Variants in SOX5 observed in about 807,000 individuals in gnomAD.
SOX5 encodes SRY-box transcription factor 5.
In SOX5, 9 loss-of-function variants were observed where a neutral mutation model predicts 92.0. The observed-to-expected ratio is 0.10, with a 90% confidence interval of 0.06 to 0.17. SOX5 has a LOEUF of 0.17. Among genes scored for constraint, SOX5 ranks in the 10% least tolerant of loss-of-function variants. SOX5 has a pLI of 1.00. For missense variants in SOX5, 642 were observed against 944.5 expected (o/e 0.68, Z 4.20); for synonymous variants, 344 against 336.3 (o/e 1.02, Z -0.25).
chr12:24,452,714 G>A (rs1942487188), intron 1 of SOX5, among the ~76,000 whole-genome samples: 1 of 152,106 alleles, frequency 6.6e-6, no homozygotes, highest in South Asian at 2.1e-4. Context: ...GAAGAGAAAG[G>A]AAAAGAAGAA....
chr12:24,102,000 C>T (rs538510800), intron 4 of SOX5, among the ~76,000 whole-genome samples: 4 of 152,144 alleles, frequency 2.6e-5, no homozygotes, highest in African/African-American at 4.8e-5. Context: ...TTAAGTACAT[C>T]TTTCACTTGG....
rs1007079450 is a variant in SOX5, at chr12:24,363,483, T to C, written c.-174+5080A>G. Among the ~76,000 whole-genome samples, 9 of 152,292 alleles carry C rather than the reference T, an allele frequency of 5.9e-5. No individual in the cohort carries two copies. The East Asian group carries it at 1.3e-3, about 23-fold the overall frequency. ...AAAGAGCAGGTTGAAATAGTCAGCA[T>C]TTATAAGCCCACTGGTTACATGATA... is the stretch of plus-strand genomic sequence containing the variant. On this transcript the variant is annotated intron_variant, in intron 2 of 4. Coordinates refer to the SOX5 transcript ENST00000446891.
At chr12:23,725,720 T>C (rs1475887664) in intron 6 of SOX5, among the ~76,000 whole-genome samples, 1 of 151,982 alleles carries the variant, frequency 6.6e-6, no homozygotes. Context: ...TAAGTGTAGA[T>C]ACGGAAGTCA....
At chr12:23,915,320 A>G in intron 1 of SOX5, among the ~76,000 whole-genome samples, 1 of 152,172 alleles carries the variant, frequency 6.6e-6, no homozygotes, top group East Asian at 1.9e-4. Context: ...TTAGGATACG[A>G]CACAATCTAA....
intron 4 of SOX5, among the ~76,000 whole-genome samples, chr12:24,030,309 T>C (rs1592497438): frequency 6.6e-6 from 1 of 151,826 alleles, no homozygotes. Context: ...TACAAAGTTA[T>C]AGTAATCAAA....
At chr12:24,164,706 C>T (rs915451944) in intron 4 of SOX5, among the ~76,000 whole-genome samples, 1 of 152,020 alleles carries the variant, frequency 6.6e-6, no homozygotes, top group Non-Finnish European at 1.5e-5. Context: ...TTAAGGGTTA[C>T]TTTTCACTTG....
chr12:24,090,060 T>C (rs998487971), intron 4 of SOX5, among the ~76,000 whole-genome samples: 1 of 152,158 alleles, frequency 6.6e-6, no homozygotes, highest in Non-Finnish European at 1.5e-5. Context: ...TTTTAATGAC[T>C]AAATATTTTA....
chr12:23,881,275 A>G (rs1031404131), intron 2 of SOX5, among the ~76,000 whole-genome samples: 4 of 152,164 alleles, frequency 2.6e-5, no homozygotes, highest in Non-Finnish European at 5.9e-5. Context: ...AATTGCCATG[A>G]CAAAGCCCCC....
At chr12:23,781,703 T>G (rs1016516498) in intron 3 of SOX5, among the ~76,000 whole-genome samples, 3 of 152,072 alleles carry the variant, frequency 2.0e-5, no homozygotes, top group Admixed American at 2.0e-4. Context: ...ACCCCCTTTC[T>G]GGGGTTTATA....
chr12:24,103,566 G>A (rs1371760028), intron 4 of SOX5, among the ~76,000 whole-genome samples: 1 of 152,068 alleles, frequency 6.6e-6, no homozygotes, highest in Non-Finnish European at 1.5e-5. Context: ...ATGTTGCCCA[G>A]GCTTGTCTTG....
At chr12:24,010,043 C>G (rs1331223692) in intron 4 of SOX5, among the ~76,000 whole-genome samples, 2 of 152,222 alleles carry the variant, frequency 1.3e-5, no homozygotes, top group Admixed American at 1.3e-4. Context: ...CAAATCTAGT[C>G]CAAGCTTTGG....
chr12:23,853,533 T>A (rs893371060), intron 2 of SOX5, among the ~76,000 whole-genome samples: 1 of 149,118 alleles, frequency 6.7e-6, no homozygotes, highest in Non-Finnish European at 1.5e-5. Context: ...TGGGCAAAAG[T>A]GTCTAACGTG....
intron 3 of SOX5, among the ~76,000 whole-genome samples, chr12:24,220,040 G>A (rs1960026133): frequency 6.6e-6 from 1 of 151,958 alleles, no homozygotes. Context: ...AATGTTAATA[G>A]CTTTTTTTTC....
At chr12:24,127,678 G>C (rs539161217) in intron 4 of SOX5, among the ~76,000 whole-genome samples, 3 of 152,172 alleles carry the variant, frequency 2.0e-5, no homozygotes, top group Admixed American at 6.5e-5. Context: ...AACCTTCTTA[G>C]TGTGCCTCCC....
At chr12:23,996,386 C>T (rs751456438) in intron 4 of SOX5, among the ~76,000 whole-genome samples, 9 of 151,976 alleles carry the variant, frequency 5.9e-5, no homozygotes, top group Admixed American at 2.0e-4. Context: ...TATACATTGC[C>T]GGTGGGAATG....
rs1435057337 is a variant in SOX5, at chr12:23,529,585, A to G, written c.*4634T>C. 1 of 152,186 alleles carries G rather than the reference A, an allele frequency of 6.6e-6. No homozygotes were observed. The highest frequency in any genetic ancestry group is 1.5e-5 in the Non-Finnish European group (1 of 68,042). The allele number at this position is 152,186 out of a possible 1,614,324, so 9.4% of individuals were successfully genotyped here. ...GGAGAATGCAAAAAAATAAAATAAA[A>G]TAAACAAAAAACAAAAACGAAAAAC... On this transcript the variant is annotated 3_prime_UTR_variant, in exon 15 of 15. Coordinates refer to ENST00000451604, the MANE Select transcript of SOX5 (RefSeq NM_006940.6).
intron 1 of SOX5, among the ~76,000 whole-genome samples, chr12:24,505,277 C>T (rs1597388206): frequency 1.3e-5 from 2 of 152,134 alleles, no homozygotes; most frequent in African/African-American, 4.8e-5. Context: ...TGTGGAAAAC[C>T]TTGAGTTGTA....
At chr12:24,535,486 G>A (rs1951561696) in intron 1 of SOX5, among the ~76,000 whole-genome samples, 1 of 152,162 alleles carries the variant, frequency 6.6e-6, no homozygotes, top group Non-Finnish European at 1.5e-5. Flanking sequence ...TGAAAAGAGG[G>A]TAAAAGGTTA....
rs550966810 is a variant in SOX5, at chr12:24,050,165, C to G, written c.-1-154141G>C. 2.8e-5 allele frequency among the ~76,000 whole-genome samples: 4 copies of G among 145,310 alleles called. No homozygotes were observed. The Admixed American group carries it at 2.8e-4, about 10-fold the overall frequency. On this transcript the variant is annotated intron_variant, in intron 4 of 4. Coordinates refer to the SOX5 transcript ENST00000446891. ...GACTGTATATGATCATTACAAACGT[C>G]TTTGAGGTTTCTTAAAATGTGGATT...
Sources: allele counts gnomAD v4.1 joint callset (sites outside exome capture counted in the v4.1 genomes callset), GRCh38; gene constraint gnomAD v4.1.1; transcripts MANE v1.5; gene names NCBI Gene and HGNC (gene_info 2026-07-23, HGNC 2026-07-21).